The following ORC5 variants were observed in gnomAD, a reference collection of about 807,000 sequenced individuals.
ORC5 encodes the protein origin recognition complex subunit 5.
Under a neutral mutation model 58.8 loss-of-function variants are expected in ORC5, and 39 were observed. That is an observed-to-expected ratio of 0.66 (90% CI 0.51 to 0.87). The LOEUF (loss-of-function observed/expected upper bound fraction) is 0.87, where lower values mean the gene tolerates loss of function less well. ORC5 is among the 40% of genes least tolerant of loss of function. The pLI, the probability that ORC5 is intolerant of heterozygous loss-of-function variation, is 0.00. For synonymous variants in ORC5, 218 were observed against 177.6 expected, an observed-to-expected ratio of 1.23 and a Z score of -1.81; for missense variants, 493 against 506.3, an observed-to-expected ratio of 0.97 and a Z score of 0.25.
intron 8 of ORC5, among the ~76,000 whole-genome samples, chr7:104,181,065 C>CT (rs2115956845): frequency 6.6e-6 from 1 of 152,206 alleles, no homozygotes; most frequent in East Asian, 1.9e-4. Flanking sequence ...TATCAGAACT[C>CT]TAATGAAGAA....
intron 12 of ORC5, among the ~76,000 whole-genome samples, chr7:104,159,123 T>C (rs1402013192): frequency 2.0e-5 from 3 of 150,660 alleles, no homozygotes; most frequent in Non-Finnish European, 4.4e-5. Flanking sequence ...GTGGCACATA[T>C]ACACCATGGA....
At position 104,133,360 on chromosome 7, in the gene ORC5, T is replaced by C. The variant is rs770404517; in HGVS notation, c.1262+3421A>G. 2.0e-5 allele frequency among the ~76,000 whole-genome samples: 3 copies of C among 152,062 alleles called. No homozygotes were observed. Among genetic ancestry groups the C allele is most frequent in the African/African-American group, 7.2e-5 (3 of 41,380 alleles). On this transcript the variant is annotated intron_variant, in intron 13 of 13. Coordinates refer to ENST00000297431, the MANE Select transcript of ORC5 (RefSeq NM_002553.4). This position sits in a 1 kb window ranked among gnomAD's most constrained non-coding sequence, Gnocchi z 4.7. The stretch of plus-strand genomic sequence containing the variant: ...AATAAGAGGGGCTTTGTAAGCTCAA[T>C]AGGACTAATGGTTAAATATTAGGAG...
At chr7:104,204,071 G>T in intron 2 of ORC5, 71 bp downstream of exon 2, 1 of 746,176 alleles carries the variant, frequency 1.3e-6, no homozygotes, top group East Asian at 2.8e-5. Context: ...CATTTGTGGA[G>T]ATTCACAATT....
chr7:104,186,770 A>G (rs1373999212), intron 6 of ORC5, among the ~76,000 whole-genome samples: 1 of 152,182 alleles, frequency 6.6e-6, no homozygotes, highest in Admixed American at 6.5e-5. Context: ...ATATAGAGAA[A>G]ACTAAGAACA....
At chr7:104,197,879 C>T (rs1490023619) in intron 3 of ORC5, 80 bp from the exon 4 acceptor site, 1 of 850,766 alleles carries the variant, frequency 1.2e-6, no homozygotes, top group Non-Finnish European at 1.8e-6. Context: ...ACTATGTCCC[C>T]CAAAGTTCAT....
chr7:104,150,935 A>T (rs530013288), intron 12 of ORC5, among the ~76,000 whole-genome samples: 1 of 152,348 alleles, frequency 6.6e-6, no homozygotes, highest in African/African-American at 2.4e-5. Context: ...ATGAACTAAA[A>T]GGGAGGGAGG....
chr7:104,173,167 A>T (rs997632764), intron 8 of ORC5, among the ~76,000 whole-genome samples: 1 of 152,212 alleles, frequency 6.6e-6, no homozygotes. Flanking sequence ...TCATAACCTT[A>T]TACAAAAATC....
At chr7:104,158,967 G>T (rs1208426930) in intron 12 of ORC5, among the ~76,000 whole-genome samples, 1 of 109,990 alleles carries the variant, frequency 9.1e-6, no homozygotes, top group African/African-American at 2.8e-5. Flanking sequence ...CCCAGCCATC[G>T]CAATCCTGGG....
At position 104,200,929 on chromosome 7, in the gene ORC5, T is replaced by C. The variant is rs1263631198; in HGVS notation, c.195A>G (p.Glu65=). The part of the protein sequence containing the change: ...ELPHVFVNCV[E]CFTLRLLLEQ... ...CCAAAAGCAGCCTCAATGTAAAGCA[T>C]TCAACACAATTCACAAACACATGTG... The change falls in exon 3 of 14, where the codon GAA becomes GAG. Residue 65 remains glutamate (E), a synonymous_variant. Coordinates refer to ENST00000297431, the MANE Select transcript of ORC5 (RefSeq NM_002553.4). The C allele has an allele frequency of 3.1e-6, 5 of 1,613,422 alleles. No individual in the cohort carries two copies. The highest frequency in any genetic ancestry group is 4.2e-6 in the Non-Finnish European group (5 of 1,179,530).
At chr7:104,146,501 C>T (rs1798754493) in intron 12 of ORC5, among the ~76,000 whole-genome samples, 1 of 152,150 alleles carries the variant, frequency 6.6e-6, no homozygotes, top group Non-Finnish European at 1.5e-5. Context: ...ACTATTAATA[C>T]ATGCAAAAAT....
rs1196051611 is a variant in ORC5, at chr7:104,165,202, A to T, written c.1038+33T>A. The T allele has an allele frequency of 2.8e-6, 3 of 1,062,116 alleles. No homozygotes were observed. The East Asian group carries it at 7.4e-5, about 26-fold the overall frequency. 65.8% of individuals were successfully genotyped at this position (1,062,116 alleles called of 1,614,324 possible). A position where few individuals can be genotyped will look rare whatever the true frequency, so the allele number is the denominator to read the frequency against. Reference sequence around the variant, plus strand: ...TTTCCTATATTATCTTCATTTCCTAAGTTTCTTCCATTAGAAATTAAAATG... The same window carrying T: ...TTTCCTATATTATCTTCATTTCCTATGTTTCTTCCATTAGAAATTAAAATG... On this transcript the variant is annotated intron_variant, in intron 11 of 13. Transcript: ENST00000297431.
rs28616282 is a variant in ORC5 at position 104,168,520 on chromosome 7, T to C, written c.830A>G (p.Gln277Arg). The C allele has an allele frequency of 1.3e-6, 2 of 1,554,870 alleles. No homozygotes were observed. Among genetic ancestry groups the C allele is most frequent in the Non-Finnish European group, 1.7e-6 (2 of 1,152,750 alleles). ...TVYLREISSSQWEKLQKDDTD... is the reference protein window; with the variant it reads ...TVYLREISSSRWEKLQKDDTD... ...GTCATCTTTCTGTAGCTTTTCCCAC[T>C]GGGAACTGAAAAAAAATAGAAGAGC... Residue 277 changes from glutamine (Q) to arginine (R), a missense_variant, in exon 9 of 14, where the codon CAG becomes CGG. By Grantham distance (43) the Gln-to-Arg change is conservative (BLOSUM62 1). This residue lies in a region of ORC5 where 412 missense variants were observed against 403.7 expected (regional missense o/e 1.02). Transcript: ENST00000297431.
In ORC5 at chr7:104,158,452, T is replaced by C. The variant is rs545702421; in HGVS notation, c.1149+2620A>G. 9.1e-4 allele frequency among the ~76,000 whole-genome samples: 138 copies of C among 151,904 alleles called. 1 individual carries two copies. Among genetic ancestry groups the C allele is most frequent in the East Asian group, 1.5e-3 (8 of 5,168 alleles). ...ATGTCTAAAACACCAAAAGCAATGG[T>C]AACAAAAGCCAAAATTGACAAATGG... On this transcript the variant is annotated intron_variant, in intron 12 of 13. Transcript: ENST00000297431.
rs2307412 is a variant in ORC5, at chr7:104,136,922, G to A, written c.1150-29C>T. ...AAAGAGAACATTTTTATAAGAAACTGTTTTAATAAGATTATGTAATACTTT... is the reference window on the plus strand; with the variant it reads ...AAAGAGAACATTTTTATAAGAAACTATTTTAATAAGATTATGTAATACTTT... On this transcript the variant is annotated intron_variant, in intron 12 of 13. Coordinates refer to ENST00000297431, the MANE Select transcript of ORC5 (RefSeq NM_002553.4). The surrounding 1 kb of genome is among the most constrained non-coding windows in gnomAD (Gnocchi z 4.2). The A allele has an allele frequency of 7.1e-7, 1 of 1,417,168 alleles. No homozygotes were observed. Among genetic ancestry groups the A allele is most frequent in the African/African-American group, 1.4e-5 (1 of 70,960 alleles). The allele number at this position is 1,417,168 out of a possible 1,614,324, so 87.8% of individuals were successfully genotyped here.
intron 10 of ORC5, among the ~76,000 whole-genome samples, chr7:104,166,138 A>T (rs944074563): frequency 6.6e-6 from 1 of 152,244 alleles, no homozygotes; most frequent in Non-Finnish European, 1.5e-5. Context: ...ACATCATGTG[A>T]AATAGGAAAC....
Position 104,126,817 on chromosome 7 carries a change from C to G in ORC5, c.*31G>C. The G allele has an allele frequency of 6.5e-7, 1 of 1,550,188 alleles. No individual in the cohort carries two copies. Among genetic ancestry groups the G allele is most frequent in the Non-Finnish European group, 8.9e-7 (1 of 1,127,360 alleles). ...GAACACAGCTTGGCTTAGTCATTGT[C>G]ACAGTGTCCATATGGCTTTGAAGCT... On this transcript the variant is annotated 3_prime_UTR_variant, in exon 14 of 14. Coordinates refer to ENST00000297431, the MANE Select transcript of ORC5 (RefSeq NM_002553.4).
intron 12 of ORC5, among the ~76,000 whole-genome samples, chr7:104,139,001 C>T (rs1408357756): frequency 1.3e-5 from 2 of 152,154 alleles, no homozygotes; most frequent in Non-Finnish European, 2.9e-5. Context: ...ATTCTTTGAG[C>T]GCCCATTGTC....
At chr7:104,184,943 T>A (rs1287382867) in intron 6 of ORC5, among the ~76,000 whole-genome samples, 1 of 152,076 alleles carries the variant, frequency 6.6e-6, no homozygotes, top group East Asian at 1.9e-4. Context: ...TTTGCTCCTC[T>A]CCCTCCAATA....
chr7:104,168,324 C>A, intron 9 of ORC5, 149 bp downstream of exon 9: 1 of 1,256,508 alleles, frequency 8.0e-7, no homozygotes, highest in Non-Finnish European at 1.0e-6. Flanking sequence ...AAAGAAAAAT[C>A]ATTAATCAAA....
Sources: allele counts gnomAD v4.1 joint callset (sites outside exome capture counted in the v4.1 genomes callset), GRCh38; gene constraint gnomAD v4.1.1; regional missense constraint gnomAD v4.1.1; non-coding constraint Gnocchi (gnomAD v3.1); transcripts MANE v1.5; gene names NCBI Gene and HGNC (gene_info 2026-07-23, HGNC 2026-07-21).